Variants in ARHGEF4 observed in about 807,000 individuals in gnomAD.
ARHGEF4 encodes the protein Rho guanine nucleotide exchange factor 4.
ARHGEF4 carries 119 observed loss-of-function variants against 162.0 expected under a neutral mutation model. That is an observed-to-expected ratio of 0.73 (90% CI 0.63 to 0.86). The LOEUF is 0.86. Among genes scored for constraint, ARHGEF4 ranks in the 40% least tolerant of loss-of-function variants. The pLI, the probability that ARHGEF4 is intolerant of heterozygous loss-of-function variation, is 0.00. For missense variants in ARHGEF4, 2,488 were observed against 2,456.0 expected (o/e 1.01, Z -0.28); for synonymous variants, 1,014 against 979.9 (o/e 1.03, Z -0.65).
In ARHGEF4 at chr2:130,878,279, C is replaced by G. The variant is rs186480114; in HGVS notation, c.40-35707C>G. 5.9e-5 allele frequency among the ~76,000 whole-genome samples: 9 copies of G among 152,156 alleles called. No homozygotes were observed. In the East Asian group the frequency reaches 1.7e-3, roughly 29 times the overall value. ...AATAGATCATGGGCTAGATTTGGTC[C>G]ACGAATTGTAGTTTGCTGGCCTTTG... On this transcript the variant is annotated intron_variant, in intron 1 of 13. Coordinates refer to ENST00000409359, the MANE Select transcript of ARHGEF4 (RefSeq NM_001367493.1).
At chr2:131,035,613 C>T (rs1325759545) in intron 5 of ARHGEF4, 4 of 978,666 alleles carry the variant, frequency 4.1e-6, no homozygotes, top group Non-Finnish European at 4.9e-6. Flanking sequence ...GTGAGCGACC[C>T]GCGCTTGCAT....
At chr2:130,935,008 A>G (rs1430160014) in intron 3 of ARHGEF4, among the ~76,000 whole-genome samples, 1 of 152,038 alleles carries the variant, frequency 6.6e-6, no homozygotes, top group Admixed American at 6.6e-5. Context: ...TCTCATTTCT[A>G]ATTTTAGTAA....
intron 1 of ARHGEF4, among the ~76,000 whole-genome samples, chr2:130,845,556 C>T (rs1289733768): frequency 1.3e-5 from 2 of 151,616 alleles, no homozygotes; most frequent in African/African-American, 4.8e-5. Context: ...CTCGGCCTCC[C>T]AAAGTGCTGG....
chr2:130,949,834 A>G (rs1489337451), intron 4 of ARHGEF4, among the ~76,000 whole-genome samples: 1 of 152,036 alleles, frequency 6.6e-6, no homozygotes, highest in Admixed American at 6.5e-5. Context: ...TTTTTAGTAG[A>G]GACAGGGTTT....
intron 4 of ARHGEF4, among the ~76,000 whole-genome samples, chr2:130,985,549 G>C (rs930739475): frequency 2.0e-5 from 3 of 152,080 alleles, no homozygotes; most frequent in Non-Finnish European, 4.4e-5. Context: ...GAACTAGGGA[G>C]GGGCAAGGAG....
Position 130,890,671 on chromosome 2 carries a change from C to T in ARHGEF4, c.40-23315C>T, listed in dbSNP as rs549251281. 3.3e-5 allele frequency among the ~76,000 whole-genome samples: 5 copies of T among 152,010 alleles called. No individual in the cohort carries two copies. In the South Asian group the frequency reaches 6.2e-4, roughly 19 times the overall value. On this transcript the variant is annotated intron_variant, in intron 1 of 13. Coordinates refer to ENST00000409359, the MANE Select transcript of ARHGEF4 (RefSeq NM_001367493.1). Reference sequence around the variant, plus strand: ...TTCTCTTTGGCTGTGTCTGATTTGCCGTTAAAGCTATCTATTGAGTTTCTA... The same window carrying T: ...TTCTCTTTGGCTGTGTCTGATTTGCTGTTAAAGCTATCTATTGAGTTTCTA...
intron 4 of ARHGEF4, among the ~76,000 whole-genome samples, chr2:130,957,306 C>G (rs6751250): frequency 6.3e-4 from 96 of 151,330 alleles, no homozygotes; most frequent in African/African-American, 2.3e-3. Flanking sequence ...AAGGAATAAA[C>G]TTCTGATACA....
intron 13 of ARHGEF4, chr2:131,045,773 G>A: frequency 6.3e-6 from 9 of 1,426,900 alleles, no homozygotes; most frequent in Admixed American, 5.8e-5. Flanking sequence ...TCTACAGAGA[G>A]CCATGCCCCT....
At chr2:131,013,842 C>A (rs1409117924) in intron 4 of ARHGEF4, among the ~76,000 whole-genome samples, 1 of 152,032 alleles carries the variant, frequency 6.6e-6, no homozygotes, top group South Asian at 2.1e-4. Context: ...ATCAAGTGAC[C>A]CACCCGCCTC....
intron 4 of ARHGEF4, among the ~76,000 whole-genome samples, chr2:130,958,158 G>A (rs2105180735): frequency 6.6e-6 from 1 of 152,200 alleles, no homozygotes; most frequent in East Asian, 1.9e-4. Context: ...AGGTGGCTGG[G>A]GGCAGGATGA....
At chr2:130,950,695 C>CA (rs1558760192) in intron 4 of ARHGEF4, among the ~76,000 whole-genome samples, 2 of 149,478 alleles carry the variant, frequency 1.3e-5, no homozygotes, top group Non-Finnish European at 3.0e-5. Context: ...TACCCCCCAC[C>CA]ACCACCCGAA....
intron 1 of ARHGEF4, among the ~76,000 whole-genome samples, chr2:130,876,111 A>T (rs1049138594): frequency 3.3e-5 from 5 of 152,154 alleles, no homozygotes; most frequent in Non-Finnish European, 7.4e-5. Flanking sequence ...CTCATAGGGT[A>T]GGCTTTCCCC....
chr2:130,979,734 TAAA>T (rs776769283), intron 4 of ARHGEF4, among the ~76,000 whole-genome samples: 7 of 92,720 alleles, frequency 7.5e-5, no homozygotes, highest in Admixed American at 6.9e-4. Flanking sequence ...AGACTCCATC[TAAA>T]AAAAAAAAAA....
intron 1 of ARHGEF4, among the ~76,000 whole-genome samples, chr2:130,837,886 T>C (rs1680315638): frequency 6.6e-6 from 1 of 152,194 alleles, no homozygotes; most frequent in Non-Finnish European, 1.5e-5. Context: ...CCTACTTGGC[T>C]GTGCAGCCAT....
At chr2:130,925,085 T>A (rs1224178737) in intron 2 of ARHGEF4, among the ~76,000 whole-genome samples, 2 of 136,276 alleles carry the variant, frequency 1.5e-5, no homozygotes, top group African/African-American at 5.4e-5. Context: ...TGTGTGCGTC[T>A]GAGAGAGAGA....
At chr2:130,968,327 T>TG (rs995515253) in intron 4 of ARHGEF4, among the ~76,000 whole-genome samples, 17 of 152,134 alleles carry the variant, frequency 1.1e-4, no homozygotes. Flanking sequence ...ACCTATAATG[T>TG]GGGGCAGGCC....
chr2:130,935,381 A>G (rs1425694039), intron 3 of ARHGEF4, among the ~76,000 whole-genome samples: 2 of 152,004 alleles, frequency 1.3e-5, no homozygotes, highest in African/African-American at 4.8e-5. Context: ...CTCTACTTTC[A>G]TCTTTATTAT....
At chr2:130,875,806 C>T (rs1678791935) in intron 1 of ARHGEF4, among the ~76,000 whole-genome samples, 1 of 152,178 alleles carries the variant, frequency 6.6e-6, no homozygotes, top group Admixed American at 6.5e-5. Flanking sequence ...TCCCGGCTCC[C>T]ACACTTGCTT....
At position 130,916,720 on chromosome 2, in the gene ARHGEF4, T is replaced by C; in HGVS notation, c.2774T>C (p.Leu925Pro). The change falls in exon 2 of 14, where the codon CTA (leucine) becomes CCA (proline). Residue 925 changes from leucine (L) to proline (P), a missense_variant. By Grantham distance (98) the Leu-to-Pro change is moderately conservative (BLOSUM62 -3). Around this residue, in one of 6 missense-constraint regions of ARHGEF4, gnomAD observed 1,642 missense variants for 1,481.5 expected, o/e 1.11. Coordinates refer to ENST00000409359, the MANE Select transcript of ARHGEF4 (RefSeq NM_001367493.1). ...TCAAACTTTATTGAGTCAATAGTTC[T>C]AGAGAAAGAGAACACCCATGAACGT... Reference protein sequence around the residue: ...TFSNFIESIVLEKENTHERSP... With the variant: ...TFSNFIESIVPEKENTHERSP... 6.4e-7 allele frequency: 1 copy of C among 1,550,602 alleles called. No individual in the cohort carries two copies. The highest frequency in any genetic ancestry group is 8.7e-7 in the Non-Finnish European group (1 of 1,147,006).
Sources: gnomAD v4.1 joint callset for allele counts (sites outside exome capture counted in the v4.1 genomes callset) on GRCh38, gnomAD v4.1.1 for gene constraint, gnomAD v4.1.1 regional missense constraint, MANE v1.5 for transcripts, NCBI Gene and HGNC (gene_info 2026-07-23, HGNC 2026-07-21) for gene names.